The following NAV2 variants were observed in gnomAD, a reference collection of about 807,000 sequenced individuals.
The protein encoded by NAV2 is neuron navigator 2.
In NAV2, 54 loss-of-function variants were observed where a neutral mutation model predicts 223.2. That is an observed-to-expected ratio of 0.24 (90% confidence interval 0.19 to 0.30). NAV2 has a LOEUF of 0.30. Ranked by LOEUF, NAV2 falls within the 10% of genes least tolerant of loss-of-function variation. NAV2 has a pLI of 1.00. For synonymous variants in NAV2, 1,279 were observed against 1,239.3 expected, an observed-to-expected ratio of 1.03 and a Z score of -0.67; for missense variants, 2,806 against 3,147.5, an observed-to-expected ratio of 0.89 and a Z score of 2.60.
At position 19,622,235 on chromosome 11, in the gene NAV2, G is replaced by T. The variant is rs190420046; in HGVS notation, c.76-210249G>T. Among the ~76,000 whole-genome samples, 646 of 152,356 alleles carry T rather than the reference G, an allele frequency of 4.2e-3. 2 individuals carry two copies. The highest frequency in any genetic ancestry group is 0.015 in the African/African-American group (616 of 41,586). ...TGCTGAGAAGAATGTATATTCTGTTGATTTGGGGTGGAGAGTTCTGTAGAT... is the reference window on the plus strand; with the variant it reads ...TGCTGAGAAGAATGTATATTCTGTTTATTTGGGGTGGAGAGTTCTGTAGAT... On this transcript the variant is annotated intron_variant, in intron 1 of 37. Transcript: ENST00000360655.
chr11:19,894,439 G>C (rs1230262933), intron 6 of NAV2, among the ~76,000 whole-genome samples: 2 of 152,232 alleles, frequency 1.3e-5, no homozygotes, highest in Non-Finnish European at 2.9e-5. Flanking sequence ...TATCATAAAA[G>C]AGTCTGAAAG....
intron 14 of NAV2, among the ~76,000 whole-genome samples, chr11:20,046,129 T>A (rs530133035): frequency 6.6e-6 from 1 of 151,826 alleles, no homozygotes; most frequent in Non-Finnish European, 1.5e-5. Flanking sequence ...AGGTCAGGAG[T>A]TCGAGACCAG....
At chr11:19,837,302 G>A (rs2060288292) in intron 2 of NAV2, among the ~76,000 whole-genome samples, 1 of 152,184 alleles carries the variant, frequency 6.6e-6, no homozygotes, top group Non-Finnish European at 1.5e-5. Context: ...ACAGGAGAAC[G>A]CTGACTGATA....
intron 1 of NAV2, among the ~76,000 whole-genome samples, chr11:19,636,054 C>T (rs2047489862): frequency 6.6e-6 from 1 of 152,212 alleles, no homozygotes; most frequent in Non-Finnish European, 1.5e-5. Flanking sequence ...TGACAACGAA[C>T]TTATCTGAGA....
chr11:20,083,567 G>C (rs1374080552), intron 26 of NAV2, among the ~76,000 whole-genome samples: 2 of 152,192 alleles, frequency 1.3e-5, no homozygotes, highest in Non-Finnish European at 2.9e-5. Flanking sequence ...GCCCTGCTCA[G>C]TAGGGCTGAA....
intron 1 of NAV2, among the ~76,000 whole-genome samples, chr11:19,523,296 T>C (rs1348034028): frequency 6.6e-6 from 1 of 152,206 alleles, no homozygotes; most frequent in Non-Finnish European, 1.5e-5. Flanking sequence ...GCTGTTCCCT[T>C]GACCAGGAAA....
At chr11:20,111,510 T>C (rs924054731) in intron 36 of NAV2, among the ~76,000 whole-genome samples, 2 of 152,256 alleles carry the variant, frequency 1.3e-5, no homozygotes, top group African/African-American at 4.8e-5. Context: ...TTTTCTGTTC[T>C]TGCAGATGAT....
At chr11:19,538,715 T>A (rs1381081808) in intron 1 of NAV2, among the ~76,000 whole-genome samples, 1 of 152,026 alleles carries the variant, frequency 6.6e-6, no homozygotes, top group Non-Finnish European at 1.5e-5. Context: ...TATGTGTTTG[T>A]GTTTTATTTA....
At chr11:20,072,502 T>C (rs1271509547) in intron 22 of NAV2, among the ~76,000 whole-genome samples, 4 of 152,240 alleles carry the variant, frequency 2.6e-5, no homozygotes, top group African/African-American at 9.6e-5. Context: ...GGGGATAGCA[T>C]TGAATCTATA....
intron 1 of NAV2, among the ~76,000 whole-genome samples, chr11:19,667,120 C>A (rs867587022): frequency 3.7e-4 from 56 of 152,218 alleles, no homozygotes; most frequent in Admixed American, 5.2e-4. Context: ...GCTGTGTGGA[C>A]ATAGCAATAC....
chr11:19,950,294 A>T (rs943099253), intron 10 of NAV2, among the ~76,000 whole-genome samples: 1 of 152,238 alleles, frequency 6.6e-6, no homozygotes, highest in Non-Finnish European at 1.5e-5. Context: ...TGCCAAACAC[A>T]GTGCTAGGTG....
At chr11:19,547,504 A>G (rs765649863) in intron 1 of NAV2, among the ~76,000 whole-genome samples, 1 of 152,138 alleles carries the variant, frequency 6.6e-6, no homozygotes, top group Non-Finnish European at 1.5e-5. Flanking sequence ...CCTTGGCTGC[A>G]GGAGCCTGAA....
chr11:19,778,974 C>G (rs892913034), intron 1 of NAV2, among the ~76,000 whole-genome samples: 4 of 152,168 alleles, frequency 2.6e-5, no homozygotes, highest in African/African-American at 9.7e-5. Flanking sequence ...AATGATTTGC[C>G]AGGCAGGGAA....
At chr11:20,038,584 A>C (rs534470164) in intron 12 of NAV2, among the ~76,000 whole-genome samples, 2 of 152,170 alleles carry the variant, frequency 1.3e-5, no homozygotes, top group East Asian at 1.9e-4. Context: ...GCTAAGGGCC[A>C]TTACTCCTGT....
chr11:19,791,569 G>A (rs1057113395), intron 1 of NAV2, among the ~76,000 whole-genome samples: 1 of 152,128 alleles, frequency 6.6e-6, no homozygotes, highest in African/African-American at 2.4e-5. Flanking sequence ...GCAGAGTTGG[G>A]GTGCTGCAGA....
At chr11:19,652,086 G>A (rs752933738) in intron 1 of NAV2, among the ~76,000 whole-genome samples, 7 of 152,070 alleles carry the variant, frequency 4.6e-5, no homozygotes, top group Non-Finnish European at 7.4e-5. Context: ...ATAATAACTC[G>A]GATGCACAGT....
chr11:19,709,627 G>T (rs1229124094), upstream of NAV2, among the ~76,000 whole-genome samples: 3 of 151,198 alleles, frequency 2.0e-5, no homozygotes, highest in African/African-American at 2.4e-5. Flanking sequence ...TTGAGGTCTG[G>T]AGTTCCAGAC....
chr11:19,934,186 A>G lies in NAV2; in HGVS notation c.1942A>G (p.Thr648Ala). 6.2e-7 allele frequency: 1 copy of G among 1,614,082 alleles called. No homozygotes were observed. The highest frequency in any genetic ancestry group is 8.5e-7 in the Non-Finnish European group (1 of 1,179,982). ...TGGGTCTGTCGGGACCACCCAGACC[A>G]CAGGAAGCAATACCGTCAGTGTTCA... ...VSGSVGTTQT[T>A]GSNTVSVQLP... Residue 648 changes from threonine (T) to alanine (A), a missense_variant, in exon 7 of 38, where the codon ACA becomes GCA. This residue lies in a region of NAV2 where 1,167 missense variants were observed against 1,180.5 expected (regional missense o/e 0.99). Transcript: ENST00000349880.
At chr11:19,544,710 G>A (rs1026337971) in intron 1 of NAV2, among the ~76,000 whole-genome samples, 2 of 152,186 alleles carry the variant, frequency 1.3e-5, no homozygotes, top group Non-Finnish European at 2.9e-5. Flanking sequence ...ACAGTGCACA[G>A]AAAGCATGGA....
Sources: gnomAD v4.1 joint callset for allele counts (sites outside exome capture counted in the v4.1 genomes callset) on GRCh38, gnomAD v4.1.1 for gene constraint, gnomAD v4.1.1 regional missense constraint, MANE v1.5 for transcripts, NCBI Gene and HGNC (gene_info 2026-07-23, HGNC 2026-07-21) for gene names.